IL6R: variants seen among roughly 807,000 people sequenced by gnomAD.
IL6R encodes the protein interleukin-6 receptor subunit alpha.
IL6R carries 38 observed loss-of-function variants against 48.3 expected under a neutral mutation model. That is an observed-to-expected ratio of 0.79 (90% CI 0.61 to 1.03). The LOEUF is 1.03. IL6R is among the 50% of genes least tolerant of loss of function. IL6R has a pLI of 0.00. For synonymous variants in IL6R, 264 were observed against 256.2 expected (o/e 1.03, Z -0.29); for missense variants, 534 against 618.3 (o/e 0.86, Z 1.45).
rs539906802 is a variant in IL6R at position 154,465,371 on chromosome 1, C to T, written c.1398C>T (p.Phe466=). The change falls in exon 10 of 10, where the codon TTC becomes TTT. Residue 466 remains phenylalanine (F), a synonymous_variant. Coordinates refer to ENST00000368485, the MANE Select transcript of IL6R (RefSeq NM_000565.4). ...ACATCAGCAATACAGACTACTTCTT[C>T]CCCAGATAGCTGGCTGGGTGGCACC... The part of the protein sequence containing the change: ...PYDISNTDYF[F]PR The T allele has an allele frequency of 1.9e-6, 3 of 1,614,136 alleles. No homozygotes were observed. The highest frequency in any genetic ancestry group is 1.3e-5 in the African/African-American group (1 of 75,060).
In IL6R at chr1:154,452,197, T is replaced by G. The variant is rs1690621880; in HGVS notation, c.1066+2217T>G. On this transcript the variant is annotated intron_variant, in intron 8 of 9. Coordinates refer to ENST00000368485, the MANE Select transcript of IL6R (RefSeq NM_000565.4). ...TTCCAACCAGCACTTAGAGTATCCC[T>G]TAAAACACAAATCCAAGCTCTCTCT... is the stretch of plus-strand genomic sequence containing the variant. Among the ~76,000 whole-genome samples the G allele has an allele frequency of 2.6e-5, 4 of 152,142 alleles. No individual in the cohort carries two copies. In the South Asian group the frequency reaches 8.3e-4, roughly 31 times the overall value.
Position 154,447,454 on chromosome 1 carries a change from AATATAT to A in IL6R, c.950-653_950-648del, listed in dbSNP as rs1299735875. ...ACTCCATCTCAAAAAAAAAAAAAAA[AATATAT>A]ATATATATATATATATACACACACA... On this transcript the variant is annotated intron_variant, in intron 6 of 9. Coordinates refer to ENST00000368485, the MANE Select transcript of IL6R (RefSeq NM_000565.4). Among the ~76,000 whole-genome samples the A allele has an allele frequency of 1.7e-4, 12 of 70,102 alleles. 1 individual carries two copies. The highest frequency in any genetic ancestry group is 2.4e-4 in the African/African-American group (3 of 12,508). 46.0% of individuals were successfully genotyped at this position (70,102 alleles called of 152,430 possible).
At chr1:154,432,991 G>A (rs904095924) in intron 3 of IL6R, among the ~76,000 whole-genome samples, 1 of 152,224 alleles carries the variant, frequency 6.6e-6, no homozygotes, top group African/African-American at 2.4e-5. Context: ...CCACAGGCAG[G>A]GGTGAGCTCA....
At chr1:154,451,832 G>A (rs1213490081) in intron 8 of IL6R, among the ~76,000 whole-genome samples, 1 of 152,034 alleles carries the variant, frequency 6.6e-6, no homozygotes, top group Admixed American at 6.5e-5. Context: ...CACCGCGCCT[G>A]GCCAGCATTC....
chr1:154,420,914 A>T (rs148626983), intron 1 of IL6R, among the ~76,000 whole-genome samples: 205 of 152,302 alleles, frequency 1.3e-3, no homozygotes, highest in Admixed American at 2.3e-3. Flanking sequence ...ATTAATAGTC[A>T]GTGATTAAAC....
At chr1:154,465,094 TA>T in intron 9 of IL6R, 39 bp from the exon 10 acceptor site, 2 of 1,612,004 alleles carry the variant, frequency 1.2e-6, no homozygotes, top group Non-Finnish European at 1.7e-6. Flanking sequence ...CAGGGGGAGC[TA>T]AAAATCTGTG....
chr1:154,434,318 A>G (rs1372971772), intron 3 of IL6R, among the ~76,000 whole-genome samples: 1 of 152,106 alleles, frequency 6.6e-6, no homozygotes, highest in Non-Finnish European at 1.5e-5. Flanking sequence ...CACAAAAACA[A>G]AACAAAACAA....
chr1:154,431,485 T>C (rs1181053233), intron 3 of IL6R, among the ~76,000 whole-genome samples: 1 of 152,214 alleles, frequency 6.6e-6, no homozygotes, highest in Non-Finnish European at 1.5e-5. Context: ...TAGTTTAATT[T>C]ATAAATTAGG....
chr1:154,459,924 G>A (rs937251240), intron 9 of IL6R, among the ~76,000 whole-genome samples: 3 of 152,080 alleles, frequency 2.0e-5, no homozygotes, highest in Admixed American at 2.0e-4. Flanking sequence ...TATCATTCCG[G>A]TATTTTAAAA....
At chr1:154,465,029 C>T (rs1047601864) in intron 9 of IL6R, 105 bp from the exon 10 acceptor site, 27 of 1,343,260 alleles carry the variant, frequency 2.0e-5, no homozygotes, top group East Asian at 4.6e-5. Context: ...GAAACCTGGG[C>T]GCGCCAGGCC....
At chr1:154,407,717 C>T (rs939349296) in intron 1 of IL6R, among the ~76,000 whole-genome samples, 9 of 152,100 alleles carry the variant, frequency 5.9e-5, no homozygotes, top group African/African-American at 2.2e-4. Flanking sequence ...GCTCTTAGAG[C>T]CCAGAGGTTT....
intron 6 of IL6R, among the ~76,000 whole-genome samples, chr1:154,439,388 C>G (rs1689810936): frequency 6.6e-6 from 1 of 152,186 alleles, no homozygotes; most frequent in Admixed American, 6.5e-5. Flanking sequence ...GATCTCAGCT[C>G]AATGCAACCT....
intron 6 of IL6R, among the ~76,000 whole-genome samples, chr1:154,445,487 A>G (rs1192786858): frequency 6.6e-6 from 1 of 152,160 alleles, no homozygotes; most frequent in African/African-American, 2.4e-5. Flanking sequence ...GCGGTGGCTC[A>G]CACCTGTAAT....
chr1:154,441,211 C>T (rs1353366180), intron 6 of IL6R, among the ~76,000 whole-genome samples: 2 of 152,184 alleles, frequency 1.3e-5, no homozygotes, highest in African/African-American at 4.8e-5. Context: ...TGGCCCCCTT[C>T]CCCTGAATCT....
chr1:154,411,947 CTTT>C (rs1179153554), intron 1 of IL6R, among the ~76,000 whole-genome samples: 5 of 132,632 alleles, frequency 3.8e-5, no homozygotes, highest in Non-Finnish European at 6.4e-5. Flanking sequence ...TCCTAAGAGC[CTTT>C]TTTTTTTTTT....
At chr1:154,410,888 C>G (rs1570915794) in intron 1 of IL6R, among the ~76,000 whole-genome samples, 1 of 152,268 alleles carries the variant, frequency 6.6e-6, no homozygotes, top group South Asian at 2.1e-4. Flanking sequence ...ATAACTGTTA[C>G]CATTTATGGT....
intron 1 of IL6R, among the ~76,000 whole-genome samples, chr1:154,423,583 T>G (rs1332485357): frequency 6.6e-6 from 1 of 152,080 alleles, no homozygotes; most frequent in African/African-American, 2.4e-5. Context: ...TTTCTTATAG[T>G]CTTTATGAGT....
chr1:154,408,268 C>T (rs1687841958), intron 1 of IL6R, among the ~76,000 whole-genome samples: 1 of 152,142 alleles, frequency 6.6e-6, no homozygotes, highest in African/African-American at 2.4e-5. Context: ...TGAATGAAGG[C>T]CCTCCCGCTT....
chr1:154,421,103 A>G (rs1322999400), intron 1 of IL6R, among the ~76,000 whole-genome samples: 1 of 152,058 alleles, frequency 6.6e-6, no homozygotes, highest in East Asian at 1.9e-4. Context: ...CCTGTATGTG[A>G]CCCTGGCCTT....
Sources: gnomAD v4.1 joint callset for allele counts (sites outside exome capture counted in the v4.1 genomes callset) on GRCh38, gnomAD v4.1.1 for gene constraint, MANE v1.5 for transcripts, NCBI Gene and HGNC (gene_info 2026-07-23, HGNC 2026-07-21) for gene names.